The following XRCC4 variants were observed in gnomAD, a reference collection of about 807,000 sequenced individuals.
XRCC4 encodes the protein DNA repair protein XRCC4.
Under a neutral mutation model 39.1 loss-of-function variants are expected in XRCC4, and 28 were observed. That is an observed-to-expected ratio of 0.72 (90% CI 0.53 to 0.98). The LOEUF (loss-of-function observed/expected upper bound fraction) is 0.98, where lower values mean the gene tolerates loss of function less well. Among genes scored for constraint, XRCC4 ranks in the 50% least tolerant of loss-of-function variants. The probability of loss-of-function intolerance (pLI) is 0.00; values close to 1 mark genes in which losing one functional copy is unlikely to be tolerated. For missense variants in XRCC4, 350 were observed against 376.4 expected (o/e 0.93, Z 0.58); for synonymous variants, 123 against 126.4 (o/e 0.97, Z 0.18).
intron 3 of XRCC4, among the ~76,000 whole-genome samples, chr5:83,112,120 T>G (rs1284232093): frequency 1.3e-5 from 2 of 151,332 alleles, no homozygotes; most frequent in African/African-American, 4.9e-5. Context: ...GAAACTACCC[T>G]TAGTAATTTA....
Position 83,129,080 on chromosome 5 carries a change from G to C in XRCC4, c.315+17877G>C, listed in dbSNP as rs543691844. Among the ~76,000 whole-genome samples, 9 of 152,080 alleles carry C rather than the reference G, an allele frequency of 5.9e-5. No homozygotes were observed. In the South Asian group the frequency reaches 1.9e-3, roughly 32 times the overall value. ...CTGTGTCCTGAATGGTAATGCCTAG[G>C]TTTTCTTCTAGGGTTTTTATGGTTT... is the stretch of plus-strand genomic sequence containing the variant. On this transcript the variant is annotated intron_variant, in intron 3 of 7. Coordinates refer to ENST00000396027, the MANE Select transcript of XRCC4 (RefSeq NM_003401.5).
intron 3 of XRCC4, among the ~76,000 whole-genome samples, chr5:83,182,064 T>A (rs1158909242): frequency 2.0e-5 from 3 of 152,144 alleles, no homozygotes; most frequent in Non-Finnish European, 2.9e-5. Flanking sequence ...GAAGAAAACC[T>A]CTGGTTTTCT....
chr5:83,288,546 T>G (rs1194384937), intron 7 of XRCC4, among the ~76,000 whole-genome samples: 1 of 151,900 alleles, frequency 6.6e-6, no homozygotes, highest in East Asian at 1.9e-4. Context: ...GAAGGATAAT[T>G]TCACTGAATA....
At chr5:83,186,561 G>T (rs896068783) in intron 3 of XRCC4, among the ~76,000 whole-genome samples, 4 of 152,070 alleles carry the variant, frequency 2.6e-5, no homozygotes, top group African/African-American at 9.7e-5. Flanking sequence ...CCTGTCTCAA[G>T]ATCTTTAAGC....
intron 1 of XRCC4, among the ~76,000 whole-genome samples, chr5:83,090,834 A>G (rs1246535268): frequency 6.6e-6 from 1 of 152,118 alleles, no homozygotes; most frequent in African/African-American, 2.4e-5. Flanking sequence ...GTTCAAACAT[A>G]TTTCTTATAA....
chr5:83,293,084 C>A (rs933667993), intron 7 of XRCC4, among the ~76,000 whole-genome samples: 2 of 151,766 alleles, frequency 1.3e-5, no homozygotes, highest in East Asian at 3.9e-4. Context: ...ATGTGGAACT[C>A]GGGATTTGTC....
At chr5:83,336,027 ATT>A (rs1195438654) in intron 7 of XRCC4, among the ~76,000 whole-genome samples, 3 of 151,998 alleles carry the variant, frequency 2.0e-5, no homozygotes, top group East Asian at 1.9e-4. Flanking sequence ...TCCAAATTAC[ATT>A]GTTACAGAAA....
intron 3 of XRCC4, among the ~76,000 whole-genome samples, chr5:83,176,050 T>TG (rs1749941360): frequency 6.6e-6 from 1 of 151,848 alleles, no homozygotes; most frequent in African/African-American, 2.4e-5. Flanking sequence ...ATAATAATAA[T>TG]AATGATTTAA....
chr5:83,358,032 CAAAA>C (rs1214023868), downstream of XRCC4, among the ~76,000 whole-genome samples: 10 of 152,200 alleles, frequency 6.6e-5, no homozygotes, highest in East Asian at 3.9e-4. Flanking sequence ...GATATAGTAA[CAAAA>C]GAACTATTCA....
intron 7 of XRCC4, among the ~76,000 whole-genome samples, chr5:83,332,364 TG>T (rs1261441521): frequency 1.4e-4 from 21 of 152,276 alleles, no homozygotes; most frequent in African/African-American, 5.1e-4. Context: ...GACATATGTA[TG>T]TAGGCACCTT....
intron 7 of XRCC4, among the ~76,000 whole-genome samples, chr5:83,313,461 T>A (rs1037365330): frequency 6.6e-6 from 1 of 152,064 alleles, no homozygotes; most frequent in Non-Finnish European, 1.5e-5. Context: ...ATTTATTGGG[T>A]TTTTTCCCCC....
rs559177242 is a variant in XRCC4, at chr5:83,257,152, A to C, written c.746-1378A>C. Among the ~76,000 whole-genome samples the C allele has an allele frequency of 1.4e-3, 206 of 152,294 alleles. 1 individual carries two copies. The highest frequency in any genetic ancestry group is 4.6e-3 in the African/African-American group (192 of 41,570). On this transcript the variant is annotated intron_variant, in intron 6 of 7. Transcript: ENST00000396027. ...CATGCAAGCTTTTCTGCCAGAATGT[A>C]ATATATGTGTACCTGAAAAACCACT...
At chr5:83,361,083 T>A in the XRCC4 span, among the ~76,000 whole-genome samples, 1 of 152,278 alleles carries the variant, frequency 6.6e-6, no homozygotes, top group African/African-American at 2.4e-5. Flanking sequence ...ATTGACTGTG[T>A]GACTTACTTA....
At chr5:83,197,125 A>G (rs756384984) in intron 4 of XRCC4, among the ~76,000 whole-genome samples, 2 of 151,540 alleles carry the variant, frequency 1.3e-5, no homozygotes, top group Non-Finnish European at 2.9e-5. Flanking sequence ...TATGTTATAT[A>G]TAAATAATAT....
intron 3 of XRCC4, among the ~76,000 whole-genome samples, chr5:83,111,612 C>T (rs1359559749): frequency 6.6e-6 from 1 of 151,856 alleles, no homozygotes; most frequent in Non-Finnish European, 1.5e-5. Flanking sequence ...GACTTATTTT[C>T]TACTTTACTA....
chr5:83,303,378 T>C (rs1177366949), intron 7 of XRCC4, among the ~76,000 whole-genome samples: 1 of 152,142 alleles, frequency 6.6e-6, no homozygotes, highest in Non-Finnish European at 1.5e-5. Flanking sequence ...GGGGATAGGA[T>C]TAAACCAAAA....
chr5:83,097,146 G>A (rs993953879), intron 1 of XRCC4, among the ~76,000 whole-genome samples: 35 of 152,260 alleles, frequency 2.3e-4, no homozygotes, highest in African/African-American at 7.5e-4. Flanking sequence ...ATGACAGACT[G>A]AGAAATTGAA....
intron 3 of XRCC4, among the ~76,000 whole-genome samples, chr5:83,131,623 C>T (rs577226088): frequency 1.3e-5 from 2 of 152,044 alleles, no homozygotes; most frequent in African/African-American, 4.8e-5. Context: ...GTGCCTTTAC[C>T]ATTATGTAAT....
chr5:83,369,411 C>A, the XRCC4 span, among the ~76,000 whole-genome samples: 1 of 152,104 alleles, frequency 6.6e-6, no homozygotes, highest in East Asian at 1.9e-4. Flanking sequence ...TCTCCCTCCC[C>A]CGTCTAGTAG....
Sources: gnomAD v4.1 joint callset for allele counts (sites outside exome capture counted in the v4.1 genomes callset) on GRCh38, gnomAD v4.1.1 for gene constraint, MANE v1.5 for transcripts, NCBI Gene and HGNC (gene_info 2026-07-23, HGNC 2026-07-21) for gene names.